AUTS2: variants seen among roughly 807,000 people sequenced by gnomAD.
AUTS2 encodes the protein activator of transcription and developmental regulator AUTS2.
Under a neutral mutation model 112.4 loss-of-function variants are expected in AUTS2, and 17 were observed. The ratio of observed to expected loss-of-function variants is 0.15; its 90% confidence interval spans 0.10 to 0.23. The LOEUF (loss-of-function observed/expected upper bound fraction) is 0.23. AUTS2 is among the 10% of genes least tolerant of loss of function. The pLI, the probability that AUTS2 is intolerant of heterozygous loss-of-function variation, is 1.00. For missense variants in AUTS2, 1,510 were observed against 1,701.6 expected, an observed-to-expected ratio of 0.89 and a Z score of 1.98; for synonymous variants, 751 against 702.7, an observed-to-expected ratio of 1.07 and a Z score of -1.09.
At chr7:70,066,463 T>A (rs569368273) in intron 2 of AUTS2, among the ~76,000 whole-genome samples, 2 of 152,204 alleles carry the variant, frequency 1.3e-5, no homozygotes, top group East Asian at 3.8e-4. Context: ...GTCTGTTATC[T>A]GTTTGCAACA....
At chr7:70,787,522 G>A (rs986851433) in intron 18 of AUTS2, 91 bp downstream of exon 18, 1 of 967,626 alleles carries the variant, frequency 1.0e-6, no homozygotes, top group Non-Finnish European at 1.5e-6. Context: ...CCCTGTCCCA[G>A]CCTCGTGCTT....
chr7:70,063,445 T>A (rs1802347215), intron 2 of AUTS2, among the ~76,000 whole-genome samples: 1 of 152,150 alleles, frequency 6.6e-6, no homozygotes, highest in South Asian at 2.1e-4. Flanking sequence ...AAGTTTAGAA[T>A]CCCAGCTTTC....
intron 1 of AUTS2, among the ~76,000 whole-genome samples, chr7:69,697,972 G>A (rs1473933469): frequency 6.6e-6 from 1 of 152,162 alleles, no homozygotes; most frequent in Non-Finnish European, 1.5e-5. Context: ...TGGCTCTGCT[G>A]ATTAAGACAC....
chr7:69,682,453 G>A (rs760307167), intron 1 of AUTS2, among the ~76,000 whole-genome samples: 4 of 152,152 alleles, frequency 2.6e-5, no homozygotes, highest in Non-Finnish European at 5.9e-5. Context: ...GCCTTCCAGG[G>A]TGACCTGAGT....
At chr7:70,001,407 C>A (rs571188713) in intron 2 of AUTS2, among the ~76,000 whole-genome samples, 2 of 151,702 alleles carry the variant, frequency 1.3e-5, no homozygotes, top group African/African-American at 4.8e-5. Context: ...ATTACAGGTG[C>A]GAGACACCAC....
intron 4 of AUTS2, among the ~76,000 whole-genome samples, chr7:70,416,011 T>C (rs979183623): frequency 5.3e-5 from 8 of 152,218 alleles, no homozygotes; most frequent in Non-Finnish European, 1.2e-4. Context: ...TCAAGAGTGG[T>C]TCTGTGGTAA....
At chr7:69,768,088 G>C (rs530771864) in intron 1 of AUTS2, among the ~76,000 whole-genome samples, 1 of 152,124 alleles carries the variant, frequency 6.6e-6, no homozygotes, top group Non-Finnish European at 1.5e-5. Flanking sequence ...AGTATTTGGT[G>C]TATTGTTCTG....
chr7:70,762,409 C>A (rs1470590193), intron 6 of AUTS2, among the ~76,000 whole-genome samples: 1 of 151,856 alleles, frequency 6.6e-6, no homozygotes, highest in African/African-American at 2.4e-5. Context: ...GTAGCTTGGA[C>A]TGTAGTACAC....
chr7:69,708,786 A>C (rs1798177569), intron 1 of AUTS2, among the ~76,000 whole-genome samples: 1 of 152,148 alleles, frequency 6.6e-6, no homozygotes, highest in South Asian at 2.1e-4. Context: ...TATGTTGTGG[A>C]GGTTTTTTGA....
chr7:70,577,043 A>G (rs555688939), intron 5 of AUTS2, among the ~76,000 whole-genome samples: 14 of 152,248 alleles, frequency 9.2e-5, no homozygotes, highest in Non-Finnish European at 1.3e-4. Flanking sequence ...AGAGGCTCTA[A>G]TAACCCTATG....
intron 4 of AUTS2, among the ~76,000 whole-genome samples, chr7:70,226,329 G>C (rs1428819331): frequency 6.7e-6 from 1 of 150,372 alleles, no homozygotes; most frequent in Non-Finnish European, 1.5e-5. Flanking sequence ...AAGTAGCTGG[G>C]ACTACAGGCG....
In AUTS2 at chr7:70,548,088, C is replaced by G. The variant is rs539550023; in HGVS notation, c.690+112307C>G. Among the ~76,000 whole-genome samples the G allele has an allele frequency of 7.3e-4, 111 of 152,284 alleles. No individual in the cohort carries two copies. In the Middle Eastern group the frequency reaches 0.014, roughly 19 times the overall value. Reference sequence around the variant, plus strand: ...TTGTTCTTTTTCAAGATTGTTTTGGCTTTGTTTCCTTTGCATTTCCGTATA... The same window carrying G: ...TTGTTCTTTTTCAAGATTGTTTTGGGTTTGTTTCCTTTGCATTTCCGTATA... On this transcript the variant is annotated intron_variant, in intron 5 of 18. Coordinates refer to ENST00000342771, the MANE Select transcript of AUTS2 (RefSeq NM_015570.4).
chr7:70,290,682 T>C (rs1788668533), intron 4 of AUTS2: 26 of 1,338,222 alleles, frequency 1.9e-5, no homozygotes, highest in Non-Finnish European at 2.5e-5. Flanking sequence ...CTCATCCCAA[T>C]TCAGGTATCA....
At chr7:70,151,690 G>A (rs1356495309) in intron 4 of AUTS2, among the ~76,000 whole-genome samples, 1 of 152,060 alleles carries the variant, frequency 6.6e-6, no homozygotes, top group African/African-American at 2.4e-5. Flanking sequence ...GACCTCAGAT[G>A]ATCTACCCAC....
chr7:70,207,722 A>AATAATGT (rs1810640750), intron 4 of AUTS2, among the ~76,000 whole-genome samples: 1 of 152,168 alleles, frequency 6.6e-6, no homozygotes, highest in Non-Finnish European at 1.5e-5. Flanking sequence ...ATCTATTATT[A>AATAATGT]CATTACCGGC....
intron 2 of AUTS2, among the ~76,000 whole-genome samples, chr7:70,061,235 G>A (rs886066173): frequency 6.6e-6 from 1 of 152,162 alleles, no homozygotes; most frequent in Non-Finnish European, 1.5e-5. Context: ...ATGGTGTGAT[G>A]CAAAGTGAAA....
In AUTS2 at chr7:70,334,497, G is replaced by C. The variant is rs1562888004; in HGVS notation, c.661-101255G>C. ...ATCTAAATCACTGTGTAGAGTATTG[G>C]GGGCAGAGGACTGAATGCAGTACAG... On this transcript the variant is annotated intron_variant, in intron 4 of 18. Transcript: ENST00000342771. 1.3e-5 allele frequency among the ~76,000 whole-genome samples: 2 copies of C among 152,036 alleles called. 1 individual carries two copies. The highest frequency in any genetic ancestry group is 4.1e-4 in the South Asian group (2 of 4,822).
intron 5 of AUTS2, among the ~76,000 whole-genome samples, chr7:70,508,861 A>G (rs1799073930): frequency 6.6e-6 from 1 of 152,212 alleles, no homozygotes; most frequent in South Asian, 2.1e-4. Flanking sequence ...TTGCATTGTA[A>G]CACTTCTGCT....
At chr7:69,673,387 A>G (rs1796422443) in intron 1 of AUTS2, among the ~76,000 whole-genome samples, 1 of 152,194 alleles carries the variant, frequency 6.6e-6, no homozygotes, top group South Asian at 2.1e-4. Flanking sequence ...ACCTAGAAAG[A>G]TGGTCTGCCT....
Sources: gnomAD v4.1 joint callset for allele counts (sites outside exome capture counted in the v4.1 genomes callset) on GRCh38, gnomAD v4.1.1 for gene constraint, MANE v1.5 for transcripts, NCBI Gene and HGNC (gene_info 2026-07-23, HGNC 2026-07-21) for gene names.